The following NLGN1 variants were observed in gnomAD, a reference collection of about 807,000 sequenced individuals.
NLGN1 encodes the protein neuroligin-1.
Under a neutral mutation model 65.5 loss-of-function variants are expected in NLGN1, and 12 were observed. That is an observed-to-expected ratio of 0.18 (90% CI 0.12 to 0.30). NLGN1 has a LOEUF of 0.30. NLGN1 is among the 10% of genes least tolerant of loss of function. The pLI, the probability that NLGN1 is intolerant of heterozygous loss-of-function variation, is 1.00. For missense variants in NLGN1, 750 were observed against 1,007.1 expected, an observed-to-expected ratio of 0.74 and a Z score of 3.46; for synonymous variants, 350 against 359.5, an observed-to-expected ratio of 0.97 and a Z score of 0.30.
chr3:174,155,753 G>A (rs1725327207), intron 4 of NLGN1, among the ~76,000 whole-genome samples: 1 of 151,880 alleles, frequency 6.6e-6, no homozygotes, highest in Non-Finnish European at 1.5e-5. Context: ...AATGAGTAGG[G>A]AAATAAGGGT....
intron 4 of NLGN1, among the ~76,000 whole-genome samples, chr3:173,884,067 C>G (rs1017627638): frequency 6.0e-5 from 9 of 149,276 alleles, no homozygotes; most frequent in African/African-American, 1.7e-4. Flanking sequence ...TTTTTTTAAT[C>G]GAAAGAATCA....
intron 4 of NLGN1, among the ~76,000 whole-genome samples, chr3:174,268,777 C>A (rs190899350): frequency 6.6e-6 from 1 of 151,982 alleles, no homozygotes; most frequent in Non-Finnish European, 1.5e-5. Context: ...CACTGTACTC[C>A]CCCGTGTCCA....
At chr3:173,684,183 A>G (rs1764360914) in intron 3 of NLGN1, among the ~76,000 whole-genome samples, 1 of 152,192 alleles carries the variant, frequency 6.6e-6, no homozygotes, top group South Asian at 2.1e-4. Context: ...TTCAAAAAAA[A>G]TCATTTGCTT....
chr3:174,031,094 G>A (rs997527519), intron 4 of NLGN1, among the ~76,000 whole-genome samples: 5 of 152,166 alleles, frequency 3.3e-5, no homozygotes, highest in Non-Finnish European at 7.3e-5. Flanking sequence ...TGGCAGCCAA[G>A]TTTATACCCT....
At chr3:173,404,832 C>A (rs1478354487) in intron 1 of NLGN1, among the ~76,000 whole-genome samples, 1 of 151,960 alleles carries the variant, frequency 6.6e-6, no homozygotes, top group Non-Finnish European at 1.5e-5. Context: ...TTTAATAGAC[C>A]GTATTTTATC....
intron 4 of NLGN1, among the ~76,000 whole-genome samples, chr3:174,170,534 C>G (rs1577198681): frequency 6.6e-6 from 1 of 152,102 alleles, no homozygotes; most frequent in East Asian, 1.9e-4. Flanking sequence ...TTGTTTTAGT[C>G]TTAATGAAAG....
intron 4 of NLGN1, among the ~76,000 whole-genome samples, chr3:173,936,216 G>T (rs1247283663): frequency 6.6e-6 from 1 of 151,272 alleles, no homozygotes; most frequent in Non-Finnish European, 1.5e-5. Flanking sequence ...TTCTAGTTTT[G>T]TAGTTTATAA....
intron 2 of NLGN1, among the ~76,000 whole-genome samples, chr3:173,499,936 C>T (rs552527951): frequency 6.6e-6 from 1 of 151,810 alleles, no homozygotes; most frequent in Non-Finnish European, 1.5e-5. Context: ...AATTGCCTAT[C>T]AGCTTAAGAT....
rs1357877254 is a variant in NLGN1, at chr3:174,270,121, CTTTCTTT to C, written c.647-5190_647-5184del. On this transcript the variant is annotated intron_variant, in intron 4 of 6. Transcript: ENST00000457714. ...TGTTTTCTCCCATTCTGTTGGTTTCCTTTCTTTTTTTTTTTTTTTTGATGTGCAGATG... is the reference window on the plus strand; with the variant it reads ...TGTTTTCTCCCATTCTGTTGGTTTCCTTTTTTTTTTTTTGATGTGCAGATG... Among the ~76,000 whole-genome samples the C allele has an allele frequency of 2.6e-4, 24 of 91,808 alleles. No homozygotes were observed. In the East Asian group the frequency reaches 2.7e-3, roughly 10 times the overall value. 60.2% of individuals were successfully genotyped at this position (91,808 alleles called of 152,430 possible). A position where few individuals can be genotyped will look rare whatever the true frequency, so the allele number is the denominator to read the frequency against.
At chr3:174,099,669 C>T (rs1465674736) in intron 4 of NLGN1, among the ~76,000 whole-genome samples, 2 of 151,854 alleles carry the variant, frequency 1.3e-5, no homozygotes, top group Non-Finnish European at 2.9e-5. Flanking sequence ...GTCTATGTGC[C>T]ACCATTTTAG....
intron 4 of NLGN1, among the ~76,000 whole-genome samples, chr3:173,905,776 T>C (rs1226965776): frequency 6.6e-6 from 1 of 152,192 alleles, no homozygotes; most frequent in African/African-American, 2.4e-5. Flanking sequence ...GGACATAGCC[T>C]TTCCTTGAAG....
intron 4 of NLGN1, among the ~76,000 whole-genome samples, chr3:173,896,331 G>A (rs956100808): frequency 6.6e-6 from 1 of 152,158 alleles, no homozygotes; most frequent in Non-Finnish European, 1.5e-5. Context: ...CCGTCCAGCT[G>A]ATCCTTCTGT....
At chr3:173,410,872 C>G (rs1712400274) in intron 1 of NLGN1, among the ~76,000 whole-genome samples, 1 of 152,094 alleles carries the variant, frequency 6.6e-6, no homozygotes, top group South Asian at 2.1e-4. Flanking sequence ...TATTCTGTAC[C>G]AAAAAATTGC....
chr3:173,463,484 C>G (rs570033054), intron 2 of NLGN1, among the ~76,000 whole-genome samples: 1 of 152,280 alleles, frequency 6.6e-6, no homozygotes, highest in Non-Finnish European at 1.5e-5. Context: ...AATGTTAGCA[C>G]TGACTAGAAT....
At chr3:173,539,879 TA>T (rs1738511947) in intron 2 of NLGN1, among the ~76,000 whole-genome samples, 1 of 61,234 alleles carries the variant, frequency 1.6e-5, no homozygotes, top group Non-Finnish European at 4.5e-5. Flanking sequence ...ATATATCTTA[TA>T]TATATGTTAT....
intron 4 of NLGN1, among the ~76,000 whole-genome samples, chr3:174,222,379 T>C (rs1163665092): frequency 2.0e-5 from 3 of 152,192 alleles, no homozygotes; most frequent in Non-Finnish European, 4.4e-5. Flanking sequence ...TTTTACTTTA[T>C]ATAGATATTT....
At chr3:173,648,313 A>C (rs1324089410) in intron 3 of NLGN1, among the ~76,000 whole-genome samples, 1 of 152,236 alleles carries the variant, frequency 6.6e-6, no homozygotes. Flanking sequence ...TAAGAAACCA[A>C]AATACAAAAT....
chr3:173,623,909 C>A (rs1225112407), intron 3 of NLGN1, among the ~76,000 whole-genome samples: 1 of 152,094 alleles, frequency 6.6e-6, no homozygotes, highest in Non-Finnish European at 1.5e-5. Flanking sequence ...ATCTTGCCGT[C>A]CCATTGACAT....
At chr3:174,263,651 T>A (rs919336267) in intron 4 of NLGN1, among the ~76,000 whole-genome samples, 129 of 152,124 alleles carry the variant, frequency 8.5e-4, no homozygotes, top group Non-Finnish European at 1.5e-3. Context: ...TGCCAGTCTG[T>A]GTCTTTTAAT....
Sources: allele counts gnomAD v4.1 joint callset (sites outside exome capture counted in the v4.1 genomes callset), GRCh38; gene constraint gnomAD v4.1.1; transcripts MANE v1.5; gene names NCBI Gene and HGNC (gene_info 2026-07-23, HGNC 2026-07-21).